The following FKBP15 variants were observed in gnomAD, a reference collection of about 807,000 sequenced individuals.
FKBP15 encodes the protein FK506-binding protein 15.
FKBP15 carries 106 observed loss-of-function variants against 158.1 expected under a neutral mutation model. That is an observed-to-expected ratio of 0.67 (90% confidence interval 0.57 to 0.79). The LOEUF is 0.79. Ranked by LOEUF, FKBP15 falls within the 30% of genes least tolerant of loss-of-function variation. The pLI is 0.00. For missense variants in FKBP15, 1,287 were observed against 1,479.1 expected (o/e 0.87, Z 2.13); for synonymous variants, 547 against 548.6 (o/e 1.00, Z 0.04).
intron 9 of FKBP15, among the ~76,000 whole-genome samples, chr9:113,195,518 C>T (rs943805324): frequency 1.3e-5 from 2 of 152,144 alleles, no homozygotes; most frequent in African/African-American, 4.8e-5. Flanking sequence ...GGGCGTATGT[C>T]ATTGAAAGAA....
At chr9:113,207,189 G>C in intron 3 of FKBP15, 23 bp downstream of exon 3, 1 of 1,592,822 alleles carries the variant, frequency 6.3e-7, no homozygotes, top group Non-Finnish European at 8.6e-7. Context: ...AACTTCAGAG[G>C]GTGTTCCTTC....
At chr9:113,209,057 T>C (rs1412060715) in intron 2 of FKBP15, among the ~76,000 whole-genome samples, 1 of 151,734 alleles carries the variant, frequency 6.6e-6, no homozygotes, top group African/African-American at 2.4e-5. Flanking sequence ...GACTTCTGTA[T>C]TGCTACTTTA....
At chr9:113,215,935 G>A (rs1025365332) in intron 1 of FKBP15, among the ~76,000 whole-genome samples, 2 of 151,820 alleles carry the variant, frequency 1.3e-5, no homozygotes, top group Non-Finnish European at 2.9e-5. Flanking sequence ...ATAGGTGTGA[G>A]CCATTGCAAC....
rs1830075258 is a variant in FKBP15, at chr9:113,164,982, A to AT, written c.*1095dup. On this transcript the variant is annotated 3_prime_UTR_variant, in exon 28 of 28. Coordinates refer to ENST00000238256, the MANE Select transcript of FKBP15 (RefSeq NM_015258.2). ...ATGATGCCAGGCCAGATGAAGTGGAATTTTGGGTCCTATCTTTTAAAACAT... is the reference window on the plus strand; with the variant it reads ...ATGATGCCAGGCCAGATGAAGTGGAATTTTTGGGTCCTATCTTTTAAAACAT... 1 of 152,234 alleles carries AT rather than the reference A, an allele frequency of 6.6e-6. No individual in the cohort carries two copies. Among genetic ancestry groups the AT allele is most frequent in the Non-Finnish European group, 1.5e-5 (1 of 68,050 alleles). The allele number at this position is 152,234 out of a possible 1,614,324, so 9.4% of individuals were successfully genotyped here. A position where few individuals can be genotyped will look rare whatever the true frequency, so the allele number is the denominator to read the frequency against.
intron 10 of FKBP15, 41 bp downstream of exon 10, chr9:113,193,986 T>C (rs577822419): frequency 6.5e-7 from 1 of 1,542,868 alleles, no homozygotes; most frequent in East Asian, 2.3e-5. Flanking sequence ...GAATCATTTT[T>C]ATGAGCCATA....
At chr9:113,206,682 C>T in intron 3 of FKBP15, 104 bp from the exon 4 acceptor site, 4 of 551,238 alleles carry the variant, frequency 7.3e-6, no homozygotes, top group South Asian at 2.1e-5. Flanking sequence ...CATTCAGCCT[C>T]TAGGCAGGGA....
At chr9:113,176,506 T>G in intron 21 of FKBP15, 31 bp downstream of exon 21, 8 of 1,546,642 alleles carry the variant, frequency 5.2e-6, no homozygotes, top group Non-Finnish European at 6.1e-6. Flanking sequence ...ATTAAACAGC[T>G]AATTCTGGCC....
chr9:113,207,679 C>A (rs1830917834), intron 2 of FKBP15, among the ~76,000 whole-genome samples: 1 of 152,242 alleles, frequency 6.6e-6, no homozygotes, highest in South Asian at 2.1e-4. Flanking sequence ...CAAAATTGAT[C>A]TTTATAATTT....
At chr9:113,217,928 T>A (rs117355354) in intron 1 of FKBP15, among the ~76,000 whole-genome samples, 1 of 152,170 alleles carries the variant, frequency 6.6e-6, no homozygotes. Context: ...TCTCCCTATG[T>A]TGGCAAGAAT....
chr9:113,202,671 T>A, intron 5 of FKBP15, 42 bp from the exon 6 acceptor site: 1 of 1,459,366 alleles, frequency 6.9e-7, no homozygotes, highest in Non-Finnish European at 9.4e-7. Context: ...CAAGCAGTAT[T>A]ATACCAGATA....
intron 15 of FKBP15, among the ~76,000 whole-genome samples, chr9:113,185,204 G>C (rs1830465464): frequency 6.6e-6 from 1 of 152,216 alleles, no homozygotes; most frequent in African/African-American, 2.4e-5. Context: ...GTCTGGCTGG[G>C]AGACTGACAT....
rs1473392966 is a variant in FKBP15 at position 113,184,285 on chromosome 9, C to T, written c.1716+7G>A. ...AGCCTGAGTGGTATGTTCTTAATCA[C>T]CCTCACCTGAATGATTCGCTGGATG... On this transcript the variant is annotated splice_region_variant and intron_variant, in intron 17 of 27. Transcript: ENST00000238256. This position sits in a 1 kb window ranked among gnomAD's most constrained non-coding sequence, Gnocchi z 4.5. 4 of 1,576,636 alleles carry T rather than the reference C, an allele frequency of 2.5e-6. No individual in the cohort carries two copies. The highest frequency in any genetic ancestry group is 3.5e-6 in the Non-Finnish European group (4 of 1,156,326).
chr9:113,175,197 T>C (rs564458501), intron 21 of FKBP15, among the ~76,000 whole-genome samples: 1 of 152,040 alleles, frequency 6.6e-6, no homozygotes, highest in Non-Finnish European at 1.5e-5. Flanking sequence ...TCTCTTTGGA[T>C]AGTAATCCTG....
chr9:113,170,490 C>T lies in FKBP15; in HGVS notation c.2766+32G>A, dbSNP rs377177254. The T allele has an allele frequency of 1.1e-4, 167 of 1,480,142 alleles. 2 individuals are homozygous for T. The South Asian group carries it at 1.3e-3, about 12-fold the overall frequency. 91.7% of individuals were successfully genotyped at this position (1,480,142 alleles called of 1,614,324 possible). ...TACTTAAGCAACAAAATGCCCAATA[C>T]GATGAAACAAATGACAGCTGGCTGG... On this transcript the variant is annotated intron_variant, in intron 25 of 27. Coordinates refer to ENST00000238256, the MANE Select transcript of FKBP15 (RefSeq NM_015258.2).
At chr9:113,176,963 C>T (rs1830310049) in intron 20 of FKBP15, among the ~76,000 whole-genome samples, 1 of 152,182 alleles carries the variant, frequency 6.6e-6, no homozygotes, top group Non-Finnish European at 1.5e-5. Flanking sequence ...TCCTACCACA[C>T]AAGCAGCCTC....
At chr9:113,213,568 T>C (rs559194756) in intron 1 of FKBP15, among the ~76,000 whole-genome samples, 14 of 131,858 alleles carry the variant, frequency 1.1e-4, no homozygotes, top group African/African-American at 4.0e-4. Flanking sequence ...AGCAAGACCC[T>C]GTCTCCCCCG....
In FKBP15 at chr9:113,207,230, G is replaced by A. The variant is rs368633371; in HGVS notation, c.236C>T (p.Ala79Val). ...GACTTACTATCGATATGCATGGACT[G>A]CTGTTGCGACCAGTATTGTGGGAGT... ...MSTPTILVAT[A>V]VHAYRYTNGQ... The change falls in exon 3 of 28, where the codon GCA becomes GTA. Residue 79 changes from alanine (A) to valine (V), a missense_variant. By Grantham distance (64) the Ala-to-Val change is moderately conservative. Transcript: ENST00000238256. 3.7e-5 allele frequency: 59 copies of A among 1,612,894 alleles called. No individual in the cohort carries two copies. Among genetic ancestry groups the A allele is most frequent in the Non-Finnish European group, 4.6e-5 (54 of 1,179,354 alleles).
At chr9:113,174,351 G>A (rs1830265614) in intron 22 of FKBP15, 77 bp downstream of exon 22, 2 of 1,495,924 alleles carry the variant, frequency 1.3e-6, no homozygotes, top group Admixed American at 2.1e-5. Context: ...TAAAGGGTAA[G>A]GAAGAAACCA....
At chr9:113,201,472 T>G (rs936814859) in intron 6 of FKBP15, among the ~76,000 whole-genome samples, 3 of 152,184 alleles carry the variant, frequency 2.0e-5, no homozygotes, top group African/African-American at 7.2e-5. Context: ...ATACTTACAC[T>G]GAAATCCTAA....
Sources: gnomAD v4.1 joint callset for allele counts (sites outside exome capture counted in the v4.1 genomes callset) on GRCh38, gnomAD v4.1.1 for gene constraint, Gnocchi (gnomAD v3.1) non-coding constraint, MANE v1.5 for transcripts, NCBI Gene and HGNC (gene_info 2026-07-23, HGNC 2026-07-21) for gene names.